OR8D1: variants seen among roughly 807,000 people sequenced by gnomAD.
OR8D1 encodes olfactory receptor family 8 subfamily D member 1.
For missense variants in OR8D1, 384 were observed against 366.8 expected, an observed-to-expected ratio of 1.05 and a Z score of -0.38; for synonymous variants, 143 against 147.0, an observed-to-expected ratio of 0.97 and a Z score of 0.20.
Position 124,303,411 on chromosome 11 carries a change from G to GT in OR8D1, c.*6428dup, listed in dbSNP as rs1862341356. The GT allele has an allele frequency of 6.6e-6, 1 of 151,958 alleles. No homozygotes were observed. Among genetic ancestry groups the GT allele is most frequent in the Middle Eastern group, 3.2e-3 (1 of 316 alleles). 9.4% of individuals were successfully genotyped at this position (151,958 alleles called of 1,614,324 possible). Reference sequence around the variant, plus strand: ...TTGACATGTAGTATAGTAAACGGTCGTATTTGGCTGATTCTGTGAAGTTAA... The same window carrying GT: ...TTGACATGTAGTATAGTAAACGGTCGTTATTTGGCTGATTCTGTGAAGTTAA... On this transcript the variant is annotated 3_prime_UTR_variant, in exon 3 of 3. Coordinates refer to ENST00000641015, the MANE Select transcript of OR8D1 (RefSeq NM_001002917.2).
Position 124,307,303 on chromosome 11 carries a change from A to G in OR8D1, c.*2537T>C, listed in dbSNP as rs1033982062. On this transcript the variant is annotated 3_prime_UTR_variant, in exon 3 of 3. Coordinates refer to ENST00000641015, the MANE Select transcript of OR8D1 (RefSeq NM_001002917.2). Reference sequence around the variant, plus strand: ...ATTTTATAGTTTACAGTTTATGTGTAACTTTTAACTGTAGTGATCCCAGCA... The same window carrying G: ...ATTTTATAGTTTACAGTTTATGTGTGACTTTTAACTGTAGTGATCCCAGCA... 2.6e-5 allele frequency: 4 copies of G among 151,326 alleles called. No individual in the cohort carries two copies. Among genetic ancestry groups the G allele is most frequent in the African/African-American group, 4.8e-5 (2 of 41,426 alleles). 9.4% of individuals were successfully genotyped at this position (151,326 alleles called of 1,614,324 possible).
In OR8D1 at chr11:124,310,762, G is replaced by T. The variant is rs1478596724; in HGVS notation, c.5C>A (p.Thr2Asn). ...AGCTGCCATAGAATAATTTTCCATGGTCATTCTTCTTTAGGCATTTCTGTG... is the reference window on the plus strand; with the variant it reads ...AGCTGCCATAGAATAATTTTCCATGTTCATTCTTCTTTAGGCATTTCTGTG... M[T>N]MENYSMAAQF... Residue 2 changes from threonine to asparagine, a missense_variant, in exon 3 of 3, where the codon ACC (threonine) becomes AAC (asparagine). Physicochemically the swap from Thr to Asn is moderately conservative, Grantham distance 65. Transcript: ENST00000641015. 6.2e-7 allele frequency: 1 copy of T among 1,607,380 alleles called. No individual in the cohort carries two copies. Among genetic ancestry groups the T allele is most frequent in the Non-Finnish European group, 8.5e-7 (1 of 1,176,070 alleles).
chr11:124,310,630 A>G lies in OR8D1; in HGVS notation c.137T>C (p.Ile46Thr), dbSNP rs777343088. ...TAGAGGGCTGACTGCAATCAGGAGA[A>G]TCATGCCCAGGTTGCCCACTACTGT... ...VVTVVGNLGM[I>T]LLIAVSPLLH... The change falls in exon 3 of 3, where the codon ATT becomes ACT. Residue 46 changes from isoleucine (I) to threonine (T), a missense_variant. Physicochemically the swap from Ile to Thr is moderately conservative, Grantham distance 89. Transcript: ENST00000641015. 4 of 1,613,968 alleles carry G rather than the reference A, an allele frequency of 2.5e-6. No individual in the cohort carries two copies. Among genetic ancestry groups the G allele is most frequent in the African/African-American group, 1.3e-5 (1 of 75,040 alleles).
intron 1 of OR8D1, among the ~76,000 whole-genome samples, chr11:124,313,231 A>G (rs1340408184): frequency 6.7e-6 from 1 of 149,882 alleles, no homozygotes; most frequent in Non-Finnish European, 1.5e-5. Flanking sequence ...AGAAGGAAAG[A>G]AAGAAGGAGG....
At chr11:124,313,022 A>G (rs2137794461) in intron 1 of OR8D1, among the ~76,000 whole-genome samples, 1 of 151,724 alleles carries the variant, frequency 6.6e-6, no homozygotes, top group African/African-American at 2.4e-5. Flanking sequence ...AAAAACACAA[A>G]AATTATCTGG....
At position 124,310,595 on chromosome 11, in the gene OR8D1, G is replaced by C; in HGVS notation, c.172C>G (p.Pro58Ala). 5.6e-6 allele frequency: 9 copies of C among 1,613,918 alleles called. No individual in the cohort carries two copies. The highest frequency in any genetic ancestry group is 7.6e-6 in the Non-Finnish European group (9 of 1,179,932). The change falls in exon 3 of 3, where the codon CCC (proline) becomes GCC (alanine). Residue 58 changes from proline to alanine, a missense_variant. Pro to Ala is a conservative substitution (Grantham distance 27, BLOSUM62 -1). Transcript: ENST00000641015. ...AAGCTGCTGAGGAAATAGTACATGGGGGTGTGAAGTAGAGGGCTGACTGCA... is the reference window on the plus strand; with the variant it reads ...AAGCTGCTGAGGAAATAGTACATGGCGGTGTGAAGTAGAGGGCTGACTGCA... ...LIAVSPLLHTPMYYFLSSLSF... is the reference protein window; with the variant it reads ...LIAVSPLLHTAMYYFLSSLSF...
At chr11:124,310,821 C>G in intron 2 of OR8D1, 39 bp from the exon 3 acceptor site, 1 of 1,370,686 alleles carries the variant, frequency 7.3e-7, no homozygotes, top group South Asian at 1.3e-5. Context: ...TAACATGGAC[C>G]CTCACTGCTC....
At chr11:124,312,509 T>A (rs893767753) in intron 1 of OR8D1, among the ~76,000 whole-genome samples, 1 of 143,602 alleles carries the variant, frequency 7.0e-6, no homozygotes, top group Admixed American at 6.7e-5. Flanking sequence ...CATTTTTCTT[T>A]CTTTCTTTCT....
chr11:124,307,884 T>G lies in OR8D1; in HGVS notation c.*1956A>C, dbSNP rs146432641. The G allele has an allele frequency of 6.6e-6, 1 of 151,956 alleles. No individual in the cohort carries two copies. Among genetic ancestry groups the G allele is most frequent in the Non-Finnish European group, 1.5e-5 (1 of 67,994 alleles). The allele number at this position is 151,956 out of a possible 1,614,324, so 9.4% of individuals were successfully genotyped here. A position where few individuals can be genotyped will look rare whatever the true frequency, so the allele number is the denominator to read the frequency against. On this transcript the variant is annotated 3_prime_UTR_variant, in exon 3 of 3. Coordinates refer to ENST00000641015, the MANE Select transcript of OR8D1 (RefSeq NM_001002917.2). ...GGGCTACAAATACCCATCTTCTAAA[T>G]TGGAGCTTTCCCTTTAAAGGGGTGG...
Position 124,310,086 on chromosome 11 carries a change from G to A in OR8D1, c.681C>T (p.His227=), listed in dbSNP as rs1862405702. The A allele has an allele frequency of 6.2e-7, 1 of 1,613,540 alleles. No individual in the cohort carries two copies. The highest frequency in any genetic ancestry group is 8.5e-7 in the Non-Finnish European group (1 of 1,179,824). Residue 227 remains histidine, a synonymous_variant, in exon 3 of 3, where the codon CAC becomes CAT. Transcript: ENST00000641015. ...SYAFILYSIL[H]IRSSEGRSKA... ...TGGACCGGCCCTCTGAGGAGCGGAT[G>A]TGAAGGATGCTGTAGAGGATGAAGG... is the stretch of plus-strand genomic sequence containing the variant.
chr11:124,307,174 G>T lies in OR8D1; in HGVS notation c.*2666C>A, dbSNP rs1862375737. ...GACCAGGGTTATGAAGAACTTAACAGCAAAAGTAGATTTAAGTACAAAAGT... is the reference window on the plus strand; with the variant it reads ...GACCAGGGTTATGAAGAACTTAACATCAAAAGTAGATTTAAGTACAAAAGT... On this transcript the variant is annotated 3_prime_UTR_variant, in exon 3 of 3. Coordinates refer to ENST00000641015, the MANE Select transcript of OR8D1 (RefSeq NM_001002917.2). 6.6e-6 allele frequency: 1 copy of T among 152,080 alleles called. No homozygotes were observed. Among genetic ancestry groups the T allele is most frequent in the Non-Finnish European group, 1.5e-5 (1 of 67,996 alleles). The allele number at this position is 152,080 out of a possible 1,614,324, so 9.4% of individuals were successfully genotyped here.
Position 124,303,948 on chromosome 11 carries a change from T to A in OR8D1, c.*5892A>T, listed in dbSNP as rs1468311590. On this transcript the variant is annotated 3_prime_UTR_variant, in exon 3 of 3. Transcript: ENST00000641015. ...TAATATCACTTTTTACATTTTTAAA[T>A]GGTTGAAAAAAATCAAAATAAAATT... 3.9e-5 allele frequency: 6 copies of A among 152,006 alleles called. No individual in the cohort carries two copies. The highest frequency in any genetic ancestry group is 3.9e-4 in the Admixed American group (6 of 15,222). The allele number at this position is 152,006 out of a possible 1,614,324, so 9.4% of individuals were successfully genotyped here.
Position 124,303,217 on chromosome 11 carries a change from C to T in OR8D1, c.*6623G>A, listed in dbSNP as rs1043923158. 6.6e-6 allele frequency: 1 copy of T among 152,036 alleles called. No individual in the cohort carries two copies. The highest frequency in any genetic ancestry group is 2.4e-5 in the African/African-American group (1 of 41,406). 9.4% of individuals were successfully genotyped at this position (152,036 alleles called of 1,614,324 possible). A position where few individuals can be genotyped will look rare whatever the true frequency, so the allele number is the denominator to read the frequency against. On this transcript the variant is annotated 3_prime_UTR_variant, in exon 3 of 3. Coordinates refer to ENST00000641015, the MANE Select transcript of OR8D1 (RefSeq NM_001002917.2). ...GAGGTGTGAGACAGAGCAGGAAAAA[C>T]TACCATTTATAAAACCATCAGATCT...
At position 124,306,452 on chromosome 11, in the gene OR8D1, G is replaced by C. The variant is rs1297009062; in HGVS notation, c.*3388C>G. Reference sequence around the variant, plus strand: ...TGAAACTTCTGCATACTTTTCTATGGGATATTAATCTTTTTTGTATTAACT... The same window carrying C: ...TGAAACTTCTGCATACTTTTCTATGCGATATTAATCTTTTTTGTATTAACT... On this transcript the variant is annotated 3_prime_UTR_variant, in exon 3 of 3. Transcript: ENST00000641015. 2.0e-5 allele frequency: 3 copies of C among 148,694 alleles called. No individual in the cohort carries two copies. Among genetic ancestry groups the C allele is most frequent in the Non-Finnish European group, 4.5e-5 (3 of 67,210 alleles). The allele number at this position is 148,694 out of a possible 1,614,324, so 9.2% of individuals were successfully genotyped here. A position where few individuals can be genotyped will look rare whatever the true frequency, so the allele number is the denominator to read the frequency against.
At chr11:124,313,297 G>A (rs1348912184) in intron 1 of OR8D1, among the ~76,000 whole-genome samples, 4 of 140,718 alleles carry the variant, frequency 2.8e-5, no homozygotes, top group African/African-American at 1.1e-4. Flanking sequence ...AAAAAAGGAA[G>A]GAAGGAAAGA....
Position 124,310,320 on chromosome 11 carries a change from G to C in OR8D1, c.447C>G (p.Phe149Leu). 6.2e-7 allele frequency: 1 copy of C among 1,613,762 alleles called. No individual in the cohort carries two copies. The highest frequency in any genetic ancestry group is 8.5e-7 in the Non-Finnish European group (1 of 1,179,930). ...WVCSLLVLAA[F>L]FLGFLSALTH... The stretch of plus-strand genomic sequence containing the variant: ...TCAAGGCAGAGAGAAAGCCCAAGAA[G>C]AAGGCAGCCAGCACTAGCAGTGAGC... Residue 149 changes from phenylalanine (F) to leucine (L), a missense_variant, in exon 3 of 3, where the codon TTC (phenylalanine) becomes TTG (leucine). Physicochemically the swap from Phe to Leu is conservative, Grantham distance 22. Coordinates refer to ENST00000641015, the MANE Select transcript of OR8D1 (RefSeq NM_001002917.2).
Position 124,307,030 on chromosome 11 carries a change from C to G in OR8D1, c.*2810G>C. The stretch of plus-strand genomic sequence containing the variant: ...TTCTACCTCTACTAATAGAGACCTA[C>G]AGGGATCCAGCATTTTCTATGGTTC... On this transcript the variant is annotated 3_prime_UTR_variant, in exon 3 of 3. Transcript: ENST00000641015. 1 of 152,064 alleles carries G rather than the reference C, an allele frequency of 6.6e-6. No homozygotes were observed. The highest frequency in any genetic ancestry group is 1.9e-4 in the East Asian group (1 of 5,176). The allele number at this position is 152,064 out of a possible 1,614,324, so 9.4% of individuals were successfully genotyped here.
At chr11:124,313,196 GGAAA>G (rs34920915) in intron 1 of OR8D1, among the ~76,000 whole-genome samples, 1,769 of 137,904 alleles carry the variant, frequency 0.013, 44 homozygotes, top group African/African-American at 0.046. Context: ...AAAGAAGGAA[GGAAA>G]GAAAGAAAGA....
chr11:124,309,677 C>G lies in OR8D1; in HGVS notation c.*163G>C. ...ATGTTAATACCTGCTTTACACAATT[C>G]TTTTATTTTGTTGAGAAAGTTGAAT... is the stretch of plus-strand genomic sequence containing the variant. On this transcript the variant is annotated 3_prime_UTR_variant, in exon 3 of 3. Transcript: ENST00000641015. 4 of 412,126 alleles carry G rather than the reference C, an allele frequency of 9.7e-6. No homozygotes were observed. The East Asian group carries it at 1.4e-4, about 15-fold the overall frequency. 25.5% of individuals were successfully genotyped at this position (412,126 alleles called of 1,614,324 possible).
Sources: allele counts gnomAD v4.1 joint callset (sites outside exome capture counted in the v4.1 genomes callset), GRCh38; gene constraint gnomAD v4.1.1; transcripts MANE v1.5; gene names NCBI Gene and HGNC (gene_info 2026-07-23, HGNC 2026-07-21).